UTRN: variants seen among roughly 807,000 people sequenced by gnomAD.
UTRN encodes utrophin.
A neutral mutation model predicts 463.9 loss-of-function variants in UTRN; 283 were observed. The observed-to-expected ratio is 0.61, with a 90% CI of 0.55 to 0.67. UTRN has a LOEUF of 0.67. Ranked by LOEUF, UTRN falls within the 30% of genes least tolerant of loss-of-function variation. UTRN has a pLI of 0.00. For synonymous variants in UTRN, 1,442 were observed against 1,431.5 expected (o/e 1.01, Z -0.17); for missense variants, 3,922 against 4,084.3 (o/e 0.96, Z 1.08).
At position 144,655,525 on chromosome 6, in the gene UTRN, AACTCCTCATT is replaced by A. The variant is rs376703671; in HGVS notation, c.7480-22880_7480-22871del. 3.4e-3 allele frequency among the ~76,000 whole-genome samples: 514 copies of A among 152,350 alleles called. 3 individuals carry two copies. Among genetic ancestry groups the A allele is most frequent in the African/African-American group, 0.012 (483 of 41,590 alleles). ...AATAAACTTTTCTCCCCATGCCAGA[AACTCCTCATT>A]TTAGTAATGAATAAGCCATGATGTA... On this transcript the variant is annotated intron_variant, in intron 51 of 74. Transcript: ENST00000367545.
intron 2 of UTRN, among the ~76,000 whole-genome samples, chr6:144,341,720 C>A (rs922708025): frequency 2.6e-5 from 4 of 152,104 alleles, no homozygotes; most frequent in African/African-American, 9.7e-5. Flanking sequence ...GTGGAAAGAA[C>A]TGATTTGTAA....
intron 35 of UTRN, 151 bp from the exon 36 acceptor site, chr6:144,513,758 A>G (rs1450307639): frequency 1.3e-6 from 1 of 759,478 alleles, no homozygotes; most frequent in African/African-American, 1.8e-5. Flanking sequence ...AAGATGAGTT[A>G]TTCACTGAAG....
At chr6:144,826,241 A>T (rs1004959774) in intron 66 of UTRN, among the ~76,000 whole-genome samples, 2 of 151,978 alleles carry the variant, frequency 1.3e-5, no homozygotes, top group East Asian at 1.9e-4. Context: ...TCCCAATAAG[A>T]TAATGTTCAA....
At chr6:144,494,995 T>TA (rs1174786503) in intron 33 of UTRN, among the ~76,000 whole-genome samples, 1 of 152,042 alleles carries the variant, frequency 6.6e-6, no homozygotes, top group African/African-American at 2.4e-5. Context: ...TTGAGCTAGA[T>TA]ACAGAGTGCC....
intron 51 of UTRN, among the ~76,000 whole-genome samples, chr6:144,591,169 C>T (rs764088408): frequency 5.3e-5 from 8 of 152,164 alleles, no homozygotes; most frequent in Non-Finnish European, 1.2e-4. Flanking sequence ...AGGATGTTCA[C>T]ATTACAGTCG....
chr6:144,788,645 A>G (rs370916149), intron 61 of UTRN, among the ~76,000 whole-genome samples: 3 of 151,538 alleles, frequency 2.0e-5, no homozygotes, highest in African/African-American at 7.3e-5. Context: ...GCTCACTGCA[A>G]TCTCCGCCTC....
chr6:144,817,721 T>G (rs1779210271), intron 65 of UTRN, among the ~76,000 whole-genome samples: 1 of 152,334 alleles, frequency 6.6e-6, no homozygotes, highest in East Asian at 1.9e-4. Flanking sequence ...ATATAATCCC[T>G]AATTCCTTGG....
At chr6:144,487,720 G>A (rs905181370) in intron 29 of UTRN, 23 bp downstream of exon 29, 1 of 1,577,448 alleles carries the variant, frequency 6.3e-7, no homozygotes, top group Non-Finnish European at 8.6e-7. Context: ...ACATACATGG[G>A]TGTTGATTAG....
intron 50 of UTRN, among the ~76,000 whole-genome samples, chr6:144,564,438 G>A (rs1347696051): frequency 6.6e-6 from 1 of 152,158 alleles, no homozygotes; most frequent in Non-Finnish European, 1.5e-5. Flanking sequence ...AGATGCGGTA[G>A]GAGAGGAAGG....
intron 46 of UTRN, among the ~76,000 whole-genome samples, chr6:144,546,124 G>A (rs1798381357): frequency 6.6e-6 from 1 of 152,176 alleles, no homozygotes; most frequent in Non-Finnish European, 1.5e-5. Flanking sequence ...TTAAAGTGAA[G>A]ATGGGGCAGA....
chr6:144,309,670 G>A (rs993248491), intron 2 of UTRN, among the ~76,000 whole-genome samples: 1 of 152,120 alleles, frequency 6.6e-6, no homozygotes, highest in Non-Finnish European at 1.5e-5. Context: ...TTGTCTCTCT[G>A]CTTCCTCCCT....
intron 51 of UTRN, among the ~76,000 whole-genome samples, chr6:144,620,775 G>A (rs902592594): frequency 3.9e-5 from 6 of 152,088 alleles, no homozygotes; most frequent in Non-Finnish European, 8.8e-5. Flanking sequence ...AATGAGGAGG[G>A]AATTAAGGAT....
chr6:144,370,979 T>G (rs1048054530), intron 2 of UTRN, among the ~76,000 whole-genome samples: 1 of 152,202 alleles, frequency 6.6e-6, no homozygotes, highest in African/African-American at 2.4e-5. Context: ...TTAAGACACC[T>G]GCATTACTGT....
chr6:144,840,789 G>A lies in UTRN; in HGVS notation c.10227G>A (p.Thr3409=), dbSNP rs772369642. ...APPHDTSTDL[T]EVMEQIHSTF... ...CGCACGACACCAGCACGGATCTCAC[G>A]GAGGTCATGGAGCAGATTCACAGCA... is the stretch of plus-strand genomic sequence containing the variant. Residue 3409 remains threonine, a synonymous_variant, in exon 73 of 75, where the codon ACG becomes ACA. Transcript: ENST00000367545. 3.3e-4 allele frequency: 529 copies of A among 1,613,898 alleles called. 2 individuals are homozygous for A. Among genetic ancestry groups the A allele is most frequent in the Non-Finnish European group, 3.8e-4 (454 of 1,179,974 alleles).
Position 144,457,235 on chromosome 6 carries a change from T to C in UTRN, c.2285-1535T>C, listed in dbSNP as rs549482572. Among the ~76,000 whole-genome samples the C allele has an allele frequency of 7.9e-5, 12 of 152,304 alleles. No individual in the cohort carries two copies. The East Asian group carries it at 9.6e-4, about 12-fold the overall frequency. On this transcript the variant is annotated intron_variant, in intron 19 of 74. Coordinates refer to ENST00000367545, the MANE Select transcript of UTRN (RefSeq NM_007124.3). ...GAAAGGGAGATTCAGATGTTTAAAATTGGTTTAAAGAGGCAAAATGAATGG... is the reference window on the plus strand; with the variant it reads ...GAAAGGGAGATTCAGATGTTTAAAACTGGTTTAAAGAGGCAAAATGAATGG...
At chr6:144,368,550 T>C (rs537053856) in intron 2 of UTRN, among the ~76,000 whole-genome samples, 2 of 152,100 alleles carry the variant, frequency 1.3e-5, no homozygotes, top group Non-Finnish European at 2.9e-5. Flanking sequence ...GGTAGGCGGA[T>C]TGCCTGAGAT....
At chr6:144,783,461 CTG>C (rs1365207216) in intron 61 of UTRN, among the ~76,000 whole-genome samples, 2 of 152,052 alleles carry the variant, frequency 1.3e-5, no homozygotes, top group Admixed American at 6.6e-5. Flanking sequence ...CATGTAATAA[CTG>C]TACATATTTA....
intron 2 of UTRN, among the ~76,000 whole-genome samples, chr6:144,299,097 A>T (rs1805009321): frequency 6.6e-6 from 1 of 152,222 alleles, no homozygotes; most frequent in African/African-American, 2.4e-5. Context: ...TCCAGTCAAT[A>T]TGTAGATTTA....
chr6:144,419,759 TG>T (rs1286096717), intron 3 of UTRN, among the ~76,000 whole-genome samples: 32 of 152,322 alleles, frequency 2.1e-4, no homozygotes, highest in African/African-American at 7.2e-4. Context: ...TGGCTTGCAG[TG>T]GTCTTGGGGT....
Sources: allele counts gnomAD v4.1 joint callset (sites outside exome capture counted in the v4.1 genomes callset), GRCh38; gene constraint gnomAD v4.1.1; transcripts MANE v1.5; gene names NCBI Gene and HGNC (gene_info 2026-07-23, HGNC 2026-07-21).